The following PLPP3 variants were observed in gnomAD, a reference collection of about 807,000 sequenced individuals.
PLPP3 encodes phospholipid phosphatase 3.
PLPP3 carries 6 observed loss-of-function variants against 29.6 expected under a neutral mutation model. That is an observed-to-expected ratio of 0.20 (90% confidence interval 0.11 to 0.40). The LOEUF (loss-of-function observed/expected upper bound fraction) is 0.40, where lower values mean the gene tolerates loss of function less well. Ranked by LOEUF, PLPP3 falls within the 10% of genes least tolerant of loss-of-function variation. PLPP3 has a pLI of 1.00. For synonymous variants in PLPP3, 152 were observed against 159.7 expected (o/e 0.95, Z 0.36); for missense variants, 308 against 407.7 (o/e 0.76, Z 2.11).
At chr1:56,553,737 A>T (rs993082456) in intron 1 of PLPP3, among the ~76,000 whole-genome samples, 18 of 152,244 alleles carry the variant, frequency 1.2e-4, no homozygotes, top group African/African-American at 4.1e-4. Flanking sequence ...CAACTGACAT[A>T]CAATGGCAAA....
At chr1:56,502,249 T>C (rs956642829) in intron 5 of PLPP3, among the ~76,000 whole-genome samples, 1 of 152,212 alleles carries the variant, frequency 6.6e-6, no homozygotes, top group African/African-American at 2.4e-5. Context: ...TGAGTGTAAG[T>C]GAACTCCTTG....
At chr1:56,507,081 A>G (rs1301405682) in intron 5 of PLPP3, among the ~76,000 whole-genome samples, 1 of 152,256 alleles carries the variant, frequency 6.6e-6, no homozygotes, top group Non-Finnish European at 1.5e-5. Flanking sequence ...GGAGGAAACC[A>G]GACTTCCATT....
intron 1 of PLPP3, among the ~76,000 whole-genome samples, chr1:56,557,133 A>T (rs1646089994): frequency 2.6e-5 from 4 of 151,416 alleles, no homozygotes. Context: ...TAATCCCAAC[A>T]CTTTGGGAGG....
Position 56,496,372 on chromosome 1 carries a change from A to G in PLPP3, c.*179T>C, listed in dbSNP as rs1243228551. ...TTGGTGTTAGTTTGCTGTTGTTTCCACATAGGCAAACACTACCTATTTTGG... is the reference window on the plus strand; with the variant it reads ...TTGGTGTTAGTTTGCTGTTGTTTCCGCATAGGCAAACACTACCTATTTTGG... On this transcript the variant is annotated 3_prime_UTR_variant, in exon 6 of 6. Coordinates refer to ENST00000371250, the MANE Select transcript of PLPP3 (RefSeq NM_003713.5). The G allele has an allele frequency of 3.1e-6, 2 of 635,602 alleles. No homozygotes were observed. Among genetic ancestry groups the G allele is most frequent in the Non-Finnish European group, 5.1e-6 (2 of 389,192 alleles). 39.4% of individuals were successfully genotyped at this position (635,602 alleles called of 1,614,324 possible). A position where few individuals can be genotyped will look rare whatever the true frequency, so the allele number is the denominator to read the frequency against.
rs148130112 is a variant in PLPP3, at chr1:56,503,811, T to C, written c.811-7135A>G. ...AGTTATTTATTTTGAGACAGAGTCT[T>C]GCTCTGTCGCTCAGGCTGGAGTGCA... is the stretch of plus-strand genomic sequence containing the variant. On this transcript the variant is annotated intron_variant, in intron 5 of 5. Transcript: ENST00000371250. Among the ~76,000 whole-genome samples the C allele has an allele frequency of 6.2e-3, 951 of 152,308 alleles. 8 individuals carry two copies. The highest frequency in any genetic ancestry group is 0.022 in the African/African-American group (911 of 41,574).
At chr1:56,540,801 C>CA (rs950617527) in intron 1 of PLPP3, among the ~76,000 whole-genome samples, 1 of 152,130 alleles carries the variant, frequency 6.6e-6, no homozygotes, top group Non-Finnish European at 1.5e-5. Context: ...AACATCCCCC[C>CA]AACTAGGCAG....
In PLPP3 at chr1:56,530,087, A is replaced by G. The variant is rs755580771; in HGVS notation, c.298-5533T>C. Among the ~76,000 whole-genome samples, 72 of 149,542 alleles carry G rather than the reference A, an allele frequency of 4.8e-4. 1 individual carries two copies. Among genetic ancestry groups the G allele is most frequent in the Non-Finnish European group, 6.8e-4 (46 of 67,642 alleles). ...ATCTCCTGGCTGTTCTTTCTGCAGC[A>G]TTGCCTACTGCAACCTCTTACTCTT... On this transcript the variant is annotated intron_variant, in intron 2 of 5. Transcript: ENST00000371250.
At position 56,578,180 on chromosome 1, in the gene PLPP3, A is replaced by G. The variant is rs577277974; in HGVS notation, c.139+698T>C. On this transcript the variant is annotated intron_variant, in intron 1 of 5. Coordinates refer to ENST00000371250, the MANE Select transcript of PLPP3 (RefSeq NM_003713.5). ...TCGCAGCTGGCTTTCCCAGTGCCTC[A>G]ATGTGCCCATCAGGGAAATGGGGCT... Among the ~76,000 whole-genome samples, 119 of 152,290 alleles carry G rather than the reference A, an allele frequency of 7.8e-4. No homozygotes were observed. The Middle Eastern group carries it at 0.01, about 13-fold the overall frequency.
At chr1:56,556,587 C>T (rs972152603) in intron 1 of PLPP3, among the ~76,000 whole-genome samples, 9 of 151,988 alleles carry the variant, frequency 5.9e-5, no homozygotes, top group Admixed American at 5.9e-4. Context: ...AATTAATTTA[C>T]CTTTAGAAAA....
chr1:56,568,010 C>T (rs946448469), intron 1 of PLPP3, among the ~76,000 whole-genome samples: 7 of 152,142 alleles, frequency 4.6e-5, no homozygotes, highest in African/African-American at 1.2e-4. Flanking sequence ...CCTTAAAAAC[C>T]GTACGCCAAG....
chr1:56,579,031 C>T lies in PLPP3; in HGVS notation c.-15G>A, dbSNP rs763049991. ...TAGTTTTGCATGGCGCTGGCTGCGG[C>T]GCGAGCCTCCCGCCCCGCGAAGACG... On this transcript the variant is annotated 5_prime_UTR_variant, in exon 1 of 6. Coordinates refer to ENST00000371250, the MANE Select transcript of PLPP3 (RefSeq NM_003713.5). 1 of 1,582,712 alleles carries T rather than the reference C, an allele frequency of 6.3e-7. No homozygotes were observed. Among genetic ancestry groups the T allele is most frequent in the Non-Finnish European group, 8.6e-7 (1 of 1,168,252 alleles).
At position 56,524,227 on chromosome 1, in the gene PLPP3, C is replaced by T. The variant is rs1251181863; in HGVS notation, c.575+50G>A. The stretch of plus-strand genomic sequence containing the variant: ...CAGCTAGTAAGTGCTCACTGAACTG[C>T]ACTGTATGAAAGGGGTCCAGGCTCT... On this transcript the variant is annotated intron_variant, in intron 3 of 5. Coordinates refer to ENST00000371250, the MANE Select transcript of PLPP3 (RefSeq NM_003713.5). The surrounding 1 kb of genome is among the most constrained non-coding windows in gnomAD (Gnocchi z 4.3). 8 of 1,603,626 alleles carry T rather than the reference C, an allele frequency of 5.0e-6. No homozygotes were observed. The Admixed American group carries it at 1.0e-4, about 20-fold the overall frequency.
intron 1 of PLPP3, among the ~76,000 whole-genome samples, chr1:56,539,743 T>C (rs941855945): frequency 6.6e-6 from 1 of 152,206 alleles, no homozygotes; most frequent in African/African-American, 2.4e-5. Context: ...AGAGAAATCA[T>C]ATGGTCCCGA....
intron 1 of PLPP3, among the ~76,000 whole-genome samples, chr1:56,569,974 A>G (rs1646187001): frequency 6.6e-6 from 1 of 152,156 alleles, no homozygotes; most frequent in South Asian, 2.1e-4. Flanking sequence ...CTGTGCTGCT[A>G]GAGTAGGCCC....
At chr1:56,550,928 T>C (rs150277937) in intron 1 of PLPP3, among the ~76,000 whole-genome samples, 42 of 152,098 alleles carry the variant, frequency 2.8e-4, no homozygotes, top group Non-Finnish European at 5.6e-4. Flanking sequence ...TGGAATCTAA[T>C]TGGAAGGACA....
chr1:56,522,240 C>T (rs181637169), intron 4 of PLPP3, among the ~76,000 whole-genome samples: 1 of 152,152 alleles, frequency 6.6e-6, no homozygotes, highest in Non-Finnish European at 1.5e-5. Flanking sequence ...GTGCCTGGCA[C>T]ACAGAAGGCA....
At chr1:56,569,498 A>G (rs1646183117) in intron 1 of PLPP3, among the ~76,000 whole-genome samples, 1 of 152,184 alleles carries the variant, frequency 6.6e-6, no homozygotes, top group Non-Finnish European at 1.5e-5. Context: ...AAAATGGTGC[A>G]GCCACTATGA....
At chr1:56,536,902 C>A (rs1645930485) in intron 2 of PLPP3, 53 bp downstream of exon 2, 2 of 1,596,050 alleles carry the variant, frequency 1.3e-6, no homozygotes, top group Non-Finnish European at 1.7e-6. Context: ...TATAATATGA[C>A]AATACAGGAA....
chr1:56,554,231 G>A (rs1482514298), intron 1 of PLPP3, among the ~76,000 whole-genome samples: 1 of 152,010 alleles, frequency 6.6e-6, no homozygotes, highest in Non-Finnish European at 1.5e-5. Flanking sequence ...TAGGGCATCT[G>A]TAAAACAGGC....
Sources: gnomAD v4.1 joint callset for allele counts (sites outside exome capture counted in the v4.1 genomes callset) on GRCh38, gnomAD v4.1.1 for gene constraint, Gnocchi (gnomAD v3.1) non-coding constraint, MANE v1.5 for transcripts, NCBI Gene and HGNC (gene_info 2026-07-23, HGNC 2026-07-21) for gene names.